The following KCTD12 variants were observed in gnomAD, a reference collection of about 807,000 sequenced individuals.
The protein encoded by KCTD12 is BTB/POZ domain-containing protein KCTD12.
KCTD12 carries 16 observed loss-of-function variants against 22.6 expected under a neutral mutation model. The observed-to-expected ratio is 0.71, with a 90% CI of 0.48 to 1.07. KCTD12 has a LOEUF of 1.07. KCTD12 is among the 50% of genes least tolerant of loss of function. The pLI is 0.00. For synonymous variants in KCTD12, 260 were observed against 228.0 expected (o/e 1.14, Z -1.26); for missense variants, 452 against 469.2 (o/e 0.96, Z 0.34).
rs943864992 is a variant in KCTD12 at position 76,886,294 on chromosome 13, A to G, written c.-146T>C. On this transcript the variant is annotated 5_prime_UTR_variant, in exon 1 of 1. Coordinates refer to ENST00000377474, the MANE Select transcript of KCTD12 (RefSeq NM_138444.4). ...CGCCGCCGCCACCGCCGCCACCGCC[A>G]CCGCCGCCACCTCCTAGAGCCGCGC... The G allele has an allele frequency of 1.8e-5, 17 of 928,434 alleles. No homozygotes were observed. Among genetic ancestry groups the G allele is most frequent in the African/African-American group, 7.2e-5 (4 of 55,268 alleles). The allele number at this position is 928,434 out of a possible 1,614,324, so 57.5% of individuals were successfully genotyped here.
Position 76,880,180 on chromosome 13 carries a change from G to A in KCTD12, c.*4991C>T, listed in dbSNP as rs2033187904. On this transcript the variant is annotated 3_prime_UTR_variant, in exon 1 of 1. Coordinates refer to ENST00000377474, the MANE Select transcript of KCTD12 (RefSeq NM_138444.4). ...CAAGGAGCCAAGAGGAATAATTAAA[G>A]GAGTGAATGTTTTATTCTTTAGTGT... The A allele has an allele frequency of 6.6e-6, 1 of 152,646 alleles. No individual in the cohort carries two copies. Among genetic ancestry groups the A allele is most frequent in the Admixed American group, 6.5e-5 (1 of 15,284 alleles). 9.5% of individuals were successfully genotyped at this position (152,646 alleles called of 1,614,324 possible).
In KCTD12 at chr13:76,885,017, G is replaced by A. The variant is rs568045708; in HGVS notation, c.*154C>T. 1.5e-4 allele frequency: 119 copies of A among 776,182 alleles called. No homozygotes were observed. The African/African-American group carries it at 1.7e-3, about 11-fold the overall frequency. 48.1% of individuals were successfully genotyped at this position (776,182 alleles called of 1,614,324 possible). On this transcript the variant is annotated 3_prime_UTR_variant, in exon 1 of 1. Coordinates refer to ENST00000377474, the MANE Select transcript of KCTD12 (RefSeq NM_138444.4). The surrounding 1 kb of genome is among the most constrained non-coding windows in gnomAD (Gnocchi z 5.1). ...TTGCGGCTGCAGGTTCTGTAGTGGA[G>A]GGAAGGTGGGCGGACAGGTCTCACC...
In KCTD12 at chr13:76,885,686, C is replaced by A; in HGVS notation, c.463G>T (p.Glu155Ter). 3.5e-6 allele frequency: 5 copies of A among 1,445,334 alleles called. No individual in the cohort carries two copies. The highest frequency in any genetic ancestry group is 4.5e-6 in the Non-Finnish European group (5 of 1,112,674). 89.5% of individuals were successfully genotyped at this position (1,445,334 alleles called of 1,614,324 possible). ...GVHKEGSLGD[E>*]LLPLGYSEPE... ...TCCGAGTAGCCAAGCGGCAGCAGCT[C>A]GTCACCCAGCGAGCCCTCCTTGTGC... is the stretch of plus-strand genomic sequence containing the variant. Residue 155 changes from glutamate (E) to a stop codon, truncating the protein, a stop_gained, in exon 1 of 1, where the codon GAG becomes TAG. Coordinates refer to ENST00000377474, the MANE Select transcript of KCTD12 (RefSeq NM_138444.4). LOFTEE classifies it high-confidence loss of function. This position sits in a 1 kb window ranked among gnomAD's most constrained non-coding sequence, Gnocchi z 5.1.
rs913980882 is a variant in KCTD12 at position 76,883,952 on chromosome 13, A to G, written c.*1219T>C. On this transcript the variant is annotated 3_prime_UTR_variant, in exon 1 of 1. Coordinates refer to ENST00000377474, the MANE Select transcript of KCTD12 (RefSeq NM_138444.4). The stretch of plus-strand genomic sequence containing the variant: ...TTATATATAAGCATTAACAACTCTA[A>G]GTTTAGGACTCAAAACAGTAAGTTA... 3 of 152,458 alleles carry G rather than the reference A, an allele frequency of 2.0e-5. No homozygotes were observed. The highest frequency in any genetic ancestry group is 7.2e-5 in the African/African-American group (3 of 41,438). 9.4% of individuals were successfully genotyped at this position (152,458 alleles called of 1,614,324 possible).
In KCTD12 at chr13:76,886,311, G is replaced by C. The variant is rs1478884574; in HGVS notation, c.-163C>G. 3 of 750,274 alleles carry C rather than the reference G, an allele frequency of 4.0e-6. No homozygotes were observed. The highest frequency in any genetic ancestry group is 9.1e-5 in the Admixed American group (2 of 21,920). The allele number at this position is 750,274 out of a possible 1,614,324, so 46.5% of individuals were successfully genotyped here. ...CCACCGCCACCGCCGCCACCTCCTA[G>C]AGCCGCGCGGAGCCGAGCGGTGCGA... is the stretch of plus-strand genomic sequence containing the variant. On this transcript the variant is annotated 5_prime_UTR_variant, in exon 1 of 1. Transcript: ENST00000377474.
Position 76,885,484 on chromosome 13 carries a change from C to G in KCTD12, c.665G>C (p.Arg222Pro). ...IGYRGSYTIG[R>P]DAQADAKFRR... ...GAACTTGGCGTCCGCCTGCGCGTCC[C>G]GCCCGATGGTGTAGGAGCCGCGGTA... Residue 222 changes from arginine to proline, a missense_variant, in exon 1 of 1, where the codon CGG becomes CCG. By Grantham distance (103) the Arg-to-Pro change is moderately radical. Coordinates refer to ENST00000377474, the MANE Select transcript of KCTD12 (RefSeq NM_138444.4). The surrounding 1 kb of genome is among the most constrained non-coding windows in gnomAD (Gnocchi z 5.1). The G allele has an allele frequency of 6.2e-7, 1 of 1,607,414 alleles. No individual in the cohort carries two copies. The highest frequency in any genetic ancestry group is 8.5e-7 in the Non-Finnish European group (1 of 1,179,046).
rs202247283 is a variant in KCTD12, at chr13:76,881,667, C to A, written c.*3504G>T. 4.6e-5 allele frequency: 7 copies of A among 152,136 alleles called. No individual in the cohort carries two copies. The highest frequency in any genetic ancestry group is 8.8e-5 in the Non-Finnish European group (6 of 68,008). The allele number at this position is 152,136 out of a possible 1,614,324, so 9.4% of individuals were successfully genotyped here. A position where few individuals can be genotyped will look rare whatever the true frequency, so the allele number is the denominator to read the frequency against. Reference sequence around the variant, plus strand: ...TATCACTGTGCTATCAATCAAAAACCAGTAGAATACATAACAACATTGAAA... The same window carrying A: ...TATCACTGTGCTATCAATCAAAAACAAGTAGAATACATAACAACATTGAAA... On this transcript the variant is annotated 3_prime_UTR_variant, in exon 1 of 1. Transcript: ENST00000377474.
At position 76,885,024 on chromosome 13, in the gene KCTD12, T is replaced by C; in HGVS notation, c.*147A>G. 1 of 823,508 alleles carries C rather than the reference T, an allele frequency of 1.2e-6. No homozygotes were observed. The highest frequency in any genetic ancestry group is 1.9e-6 in the Non-Finnish European group (1 of 537,220). The allele number at this position is 823,508 out of a possible 1,614,324, so 51.0% of individuals were successfully genotyped here. A position where few individuals can be genotyped will look rare whatever the true frequency, so the allele number is the denominator to read the frequency against. On this transcript the variant is annotated 3_prime_UTR_variant, in exon 1 of 1. Coordinates refer to ENST00000377474, the MANE Select transcript of KCTD12 (RefSeq NM_138444.4). The surrounding 1 kb of genome is among the most constrained non-coding windows in gnomAD (Gnocchi z 5.1). ...TGCAGGTTCTGTAGTGGAGGGAAGG[T>C]GGGCGGACAGGTCTCACCCAGCTAC...
chr13:76,886,363 T>C lies in KCTD12; in HGVS notation c.-215A>G, dbSNP rs1341133916. Reference sequence around the variant, plus strand: ...CGCGCCGCTGTGCGCCCCCTTGAGTTCCAGTGCGCTCCGCCCGCCTTGCCC... The same window carrying C: ...CGCGCCGCTGTGCGCCCCCTTGAGTCCCAGTGCGCTCCGCCCGCCTTGCCC... On this transcript the variant is annotated 5_prime_UTR_variant, in exon 1 of 1. Coordinates refer to ENST00000377474, the MANE Select transcript of KCTD12 (RefSeq NM_138444.4). 7 of 343,162 alleles carry C rather than the reference T, an allele frequency of 2.0e-5. No individual in the cohort carries two copies. Among genetic ancestry groups the C allele is most frequent in the Non-Finnish European group, 4.7e-6 (1 of 212,400 alleles). 21.3% of individuals were successfully genotyped at this position (343,162 alleles called of 1,614,324 possible). A position where few individuals can be genotyped will look rare whatever the true frequency, so the allele number is the denominator to read the frequency against.
chr13:76,885,522 G>A lies in KCTD12; in HGVS notation c.627C>T (p.Tyr209=). The change falls in exon 1 of 1, where the codon TAC becomes TAT. Residue 209 remains tyrosine (Y), a synonymous_variant. Coordinates refer to ENST00000377474, the MANE Select transcript of KCTD12 (RefSeq NM_138444.4). The surrounding 1 kb of genome is among the most constrained non-coding windows in gnomAD (Gnocchi z 5.1). ...QSLDGSRRSG[Y]ITIGYRGSYT... ...AGGAGCCGCGGTAGCCGATGGTGAT[G>A]TAGCCCGAGCGCCGGCTGCCGTCCA... The A allele has an allele frequency of 6.3e-7, 1 of 1,590,926 alleles. No individual in the cohort carries two copies. The highest frequency in any genetic ancestry group is 1.1e-5 in the South Asian group (1 of 88,988).
rs1253094081 is a variant in KCTD12 at position 76,881,283 on chromosome 13, TATAAA to T, written c.*3883_*3887del. Reference sequence around the variant, plus strand: ...TGAGTAAAGTATTTGTGATTTAGACTATAAAATAAATTCTCAAGGAATTCAACCCC... The same window carrying T: ...TGAGTAAAGTATTTGTGATTTAGACTATAAATTCTCAAGGAATTCAACCCC... On this transcript the variant is annotated 3_prime_UTR_variant, in exon 1 of 1. Transcript: ENST00000377474. 6.6e-6 allele frequency: 1 copy of T among 152,416 alleles called. No homozygotes were observed. Among genetic ancestry groups the T allele is most frequent in the Non-Finnish European group, 1.5e-5 (1 of 67,992 alleles). 9.4% of individuals were successfully genotyped at this position (152,416 alleles called of 1,614,324 possible).
rs1055764542 is a variant in KCTD12, at chr13:76,884,067, G to A, written c.*1104C>T. ...TTACTATATGATATTTTTTAAATGT[G>A]CATATACTCAAACAGATGGTACAAA... On this transcript the variant is annotated 3_prime_UTR_variant, in exon 1 of 1. Transcript: ENST00000377474. 3 of 152,344 alleles carry A rather than the reference G, an allele frequency of 2.0e-5. No individual in the cohort carries two copies. The highest frequency in any genetic ancestry group is 4.4e-5 in the Non-Finnish European group (3 of 68,010). The allele number at this position is 152,344 out of a possible 1,614,324, so 9.4% of individuals were successfully genotyped here. A position where few individuals can be genotyped will look rare whatever the true frequency, so the allele number is the denominator to read the frequency against.
Position 76,886,237 on chromosome 13 carries a change from G to A in KCTD12, c.-89C>T. ...GCCTTCCCCGGAGCCCCGGAACCCG[G>A]ACGCTCGCTCAGCCCTGCGCCCCGC... On this transcript the variant is annotated 5_prime_UTR_variant, in exon 1 of 1. Coordinates refer to ENST00000377474, the MANE Select transcript of KCTD12 (RefSeq NM_138444.4). 3 of 1,361,538 alleles carry A rather than the reference G, an allele frequency of 2.2e-6. No individual in the cohort carries two copies. Among genetic ancestry groups the A allele is most frequent in the South Asian group, 1.8e-5 (1 of 56,506 alleles). The allele number at this position is 1,361,538 out of a possible 1,614,324, so 84.3% of individuals were successfully genotyped here. A position where few individuals can be genotyped will look rare whatever the true frequency, so the allele number is the denominator to read the frequency against.
At position 76,885,724 on chromosome 13, in the gene KCTD12, G is replaced by A. The variant is rs750568955; in HGVS notation, c.425C>T (p.Ser142Leu). ...PQQPGPGPPP[S>L]RRGVHKEGSL... ...GCCCTCCTTGTGCACCCCGCGCCGC[G>A]AGGGCGGCGGCCCCGGGCCGGGCTG... Residue 142 changes from serine to leucine, a missense_variant, in exon 1 of 1, where the codon TCG becomes TTG. By Grantham distance (145) the Ser-to-Leu change is moderately radical (BLOSUM62 -2). Coordinates refer to ENST00000377474, the MANE Select transcript of KCTD12 (RefSeq NM_138444.4). This position sits in a 1 kb window ranked among gnomAD's most constrained non-coding sequence, Gnocchi z 5.1. 7.1e-7 allele frequency: 1 copy of A among 1,406,432 alleles called. No homozygotes were observed. 87.1% of individuals were successfully genotyped at this position (1,406,432 alleles called of 1,614,324 possible).
rs1593866992 is a variant in KCTD12, at chr13:76,885,776, G to A, written c.373C>T (p.Leu125Phe). The change falls in exon 1 of 1, where the codon CTC (leucine) becomes TTC (phenylalanine). Residue 125 changes from leucine to phenylalanine, a missense_variant. Physicochemically the swap from Leu to Phe is conservative, Grantham distance 22. Transcript: ENST00000377474. This position sits in a 1 kb window ranked among gnomAD's most constrained non-coding sequence, Gnocchi z 5.1. ...REAEYFELPE[L>F]VRRLGAPQQP... ...TGGGGCGCCCCGAGGCGGCGCACGA[G>A]CTCTGGCAGCTCGAAGTACTCGGCC... is the stretch of plus-strand genomic sequence containing the variant. 6.4e-7 allele frequency: 1 copy of A among 1,572,876 alleles called. No homozygotes were observed. The highest frequency in any genetic ancestry group is 2.4e-5 in the East Asian group (1 of 41,978).
rs989406683 is a variant in KCTD12 at position 76,884,220 on chromosome 13, A to G, written c.*951T>C. The G allele has an allele frequency of 7.7e-6, 1 of 129,206 alleles. No individual in the cohort carries two copies. The highest frequency in any genetic ancestry group is 1.5e-5 in the Non-Finnish European group (1 of 65,750). The allele number at this position is 129,206 out of a possible 1,614,324, so 8.0% of individuals were successfully genotyped here. A position where few individuals can be genotyped will look rare whatever the true frequency, so the allele number is the denominator to read the frequency against. On this transcript the variant is annotated 3_prime_UTR_variant, in exon 1 of 1. Coordinates refer to ENST00000377474, the MANE Select transcript of KCTD12 (RefSeq NM_138444.4). ...CTAAAGGAAGGTCCTACTGACATTC[A>G]TTGAAAGAATACAGGCTTTCCTAAT...
Position 76,884,461 on chromosome 13 carries a change from G to A in KCTD12, c.*710C>T, listed in dbSNP as rs1264102836. ...CAGGCAGGCGGATCACTTTCTATAA[G>A]TTTAAGCTACAGGCTGAGACCTTTT... On this transcript the variant is annotated 3_prime_UTR_variant, in exon 1 of 1. Transcript: ENST00000377474. The A allele has an allele frequency of 6.6e-6, 1 of 152,208 alleles. No individual in the cohort carries two copies. The highest frequency in any genetic ancestry group is 6.5e-5 in the Admixed American group (1 of 15,280). The allele number at this position is 152,208 out of a possible 1,614,324, so 9.4% of individuals were successfully genotyped here.
rs1194468084 is a variant in KCTD12, at chr13:76,886,267, GCCGCCGCCGCCACCGCCGCCA to G, written c.-140_-120del. 18 of 1,168,144 alleles carry G rather than the reference GCCGCCGCCGCCACCGCCGCCA, an allele frequency of 1.5e-5. No individual in the cohort carries two copies. The highest frequency in any genetic ancestry group is 5.1e-5 in the African/African-American group (3 of 58,364). 72.4% of individuals were successfully genotyped at this position (1,168,144 alleles called of 1,614,324 possible). ...TCGCTCAGCCCTGCGCCCCGCCGCC[GCCGCCGCCGCCACCGCCGCCA>G]CCGCCACCGCCGCCACCTCCTAGAG... On this transcript the variant is annotated 5_prime_UTR_variant, in exon 1 of 1. Transcript: ENST00000377474.
In KCTD12 at chr13:76,885,743, C is replaced by A. The variant is rs964094721; in HGVS notation, c.406G>T (p.Gly136Cys). The A allele has an allele frequency of 1.4e-6, 2 of 1,445,400 alleles. No homozygotes were observed. The highest frequency in any genetic ancestry group is 2.9e-5 in the South Asian group (2 of 69,300). The allele number at this position is 1,445,400 out of a possible 1,614,324, so 89.5% of individuals were successfully genotyped here. ...CGCCGCGAGGGCGGCGGCCCCGGGC[C>A]GGGCTGCTGGGGCGCCCCGAGGCGG... ...VRRLGAPQQP[G>C]PGPPPSRRGV... The change falls in exon 1 of 1, where the codon GGC (glycine) becomes TGC (cysteine). Residue 136 changes from glycine (G) to cysteine (C), a missense_variant. Coordinates refer to ENST00000377474, the MANE Select transcript of KCTD12 (RefSeq NM_138444.4). This position sits in a 1 kb window ranked among gnomAD's most constrained non-coding sequence, Gnocchi z 5.1.
Sources: allele counts gnomAD v4.1 joint callset, GRCh38; gene constraint gnomAD v4.1.1; non-coding constraint Gnocchi (gnomAD v3.1); transcripts MANE v1.5; gene names NCBI Gene and HGNC (gene_info 2026-07-23, HGNC 2026-07-21).